The following LIG3 variants were observed in gnomAD, a reference collection of about 807,000 sequenced individuals.
LIG3 encodes ligase II, DNA, ATP-dependent.
In LIG3, 58 loss-of-function variants were observed where a neutral mutation model predicts 110.9. The observed-to-expected ratio is 0.52, with a 90% CI of 0.42 to 0.65. The LOEUF is 0.65. Among genes scored for constraint, LIG3 ranks in the 30% least tolerant of loss-of-function variants. The pLI, the probability that LIG3 is intolerant of heterozygous loss-of-function variation, is 0.00. For synonymous variants in LIG3, 422 were observed against 472.8 expected (o/e 0.89, Z 1.39); for missense variants, 1,094 against 1,273.8 (o/e 0.86, Z 2.15).
In LIG3 at chr17:35,004,635, CACTGTCTCTTCTGG is replaced by C; in HGVS notation, c.*132_*145del. ...GCTTCTCCCAAACCCACCAGTTCTCCACTGTCTCTTCTGGACCAGGAATTAGTTGCTGTGGGTGC... is the reference window on the plus strand; with the variant it reads ...GCTTCTCCCAAACCCACCAGTTCTCCACCAGGAATTAGTTGCTGTGGGTGC... On this transcript the variant is annotated 3_prime_UTR_variant, in exon 20 of 20. Coordinates refer to ENST00000378526, the MANE Select transcript of LIG3 (RefSeq NM_013975.4). The C allele has an allele frequency of 1.4e-6, 1 of 694,486 alleles. No homozygotes were observed. The highest frequency in any genetic ancestry group is 2.5e-6 in the Non-Finnish European group (1 of 406,130). 43.0% of individuals were successfully genotyped at this position (694,486 alleles called of 1,614,324 possible).
intron 18 of LIG3, 81 bp downstream of exon 18, chr17:35,002,185 T>G: frequency 8.2e-7 from 1 of 1,213,114 alleles, no homozygotes; most frequent in Non-Finnish European, 1.1e-6. Flanking sequence ...CAGTCTCACA[T>G]TCCAGCCCTG....
rs981203531 is a variant in LIG3 at position 35,001,475 on chromosome 17, C to T, written c.2478+72C>T. 62 of 1,437,232 alleles carry T rather than the reference C, an allele frequency of 4.3e-5. No homozygotes were observed. The African/African-American group carries it at 7.2e-4, about 17-fold the overall frequency. The allele number at this position is 1,437,232 out of a possible 1,614,324, so 89.0% of individuals were successfully genotyped here. A position where few individuals can be genotyped will look rare whatever the true frequency, so the allele number is the denominator to read the frequency against. ...GCCTTGGAGCCTTGGGCATCTAGAC[C>T]ATTCACATGTCCTCTGTCTTCTCCT... On this transcript the variant is annotated intron_variant, in intron 17 of 19. Transcript: ENST00000378526.
At chr17:34,983,580 C>G (rs1250682984) in intron 2 of LIG3, 28 bp downstream of exon 2, 1 of 1,581,058 alleles carries the variant, frequency 6.3e-7, no homozygotes, top group Non-Finnish European at 8.6e-7. Flanking sequence ...GCTTTCTCAT[C>G]TTACTGGTGC....
chr17:34,999,758 A>G, intron 15 of LIG3, 24 bp from the exon 16 acceptor site: 1 of 1,607,362 alleles, frequency 6.2e-7, no homozygotes, highest in East Asian at 2.2e-5. Flanking sequence ...GGAACAGCCC[A>G]AAGTAGCATC....
In LIG3 at chr17:34,998,386, C is replaced by G. The variant is rs2090802876; in HGVS notation, c.1989+90C>G. 3 of 1,253,524 alleles carry G rather than the reference C, an allele frequency of 2.4e-6. No individual in the cohort carries two copies. In the African/African-American group the frequency reaches 4.5e-5, roughly 19 times the overall value. The allele number at this position is 1,253,524 out of a possible 1,614,324, so 77.7% of individuals were successfully genotyped here. ...AGCCCTGACCAGGAGATGGCGGTGGCAGCCTGCAGTGGTTGGGGTGGCTGC... is the reference window on the plus strand; with the variant it reads ...AGCCCTGACCAGGAGATGGCGGTGGGAGCCTGCAGTGGTTGGGGTGGCTGC... On this transcript the variant is annotated intron_variant, in intron 13 of 19. Transcript: ENST00000378526.
At chr17:34,981,903 C>T (rs1035505449) in intron 1 of LIG3, among the ~76,000 whole-genome samples, 1 of 152,104 alleles carries the variant, frequency 6.6e-6, no homozygotes, top group South Asian at 2.1e-4. Context: ...GTCTTGCTGC[C>T]CAGTGACTTC....
rs1213350045 is a variant in LIG3 at position 35,005,272 on chromosome 17, G to A, written c.*766G>A. 1.9e-6 allele frequency: 1 copy of A among 526,502 alleles called. No individual in the cohort carries two copies. The highest frequency in any genetic ancestry group is 2.0e-5 in the Admixed American group (1 of 50,668). The allele number at this position is 526,502 out of a possible 1,614,324, so 32.6% of individuals were successfully genotyped here. ...AATAAAAATCCACATGGGGCTTGAGGCCAAGAACAGCCCTTGTTGCCACCA... is the reference window on the plus strand; with the variant it reads ...AATAAAAATCCACATGGGGCTTGAGACCAAGAACAGCCCTTGTTGCCACCA... On this transcript the variant is annotated 3_prime_UTR_variant, in exon 20 of 20. Transcript: ENST00000378526.
chr17:35,000,470 C>T (rs1488057579), intron 16 of LIG3, among the ~76,000 whole-genome samples: 4 of 152,160 alleles, frequency 2.6e-5, no homozygotes, highest in Non-Finnish European at 5.9e-5. Context: ...GTTGGTCAGG[C>T]TGGTCTTGAA....
At position 34,999,947 on chromosome 17, in the gene LIG3, A is replaced by T. The variant is rs1254872452; in HGVS notation, c.2331+91A>T. The stretch of plus-strand genomic sequence containing the variant: ...AGAGAATCCATCTCACCTCGCTGAA[A>T]GTCCACCCAGGGATAGGGGTCTGGA... On this transcript the variant is annotated intron_variant, in intron 16 of 19. Coordinates refer to ENST00000378526, the MANE Select transcript of LIG3 (RefSeq NM_013975.4). 8.8e-6 allele frequency: 9 copies of T among 1,025,372 alleles called. No individual in the cohort carries two copies. The East Asian group carries it at 2.0e-4, about 23-fold the overall frequency. The allele number at this position is 1,025,372 out of a possible 1,614,324, so 63.5% of individuals were successfully genotyped here. A position where few individuals can be genotyped will look rare whatever the true frequency, so the allele number is the denominator to read the frequency against.
At chr17:34,983,981 A>C (rs919858297) in intron 2 of LIG3, among the ~76,000 whole-genome samples, 1 of 152,222 alleles carries the variant, frequency 6.6e-6, no homozygotes, top group African/African-American at 2.4e-5. Context: ...GCGTGCACTC[A>C]CTTTAAACCA....
intron 19 of LIG3, 127 bp from the exon 20 acceptor site, chr17:35,004,146 T>C (rs368740556): frequency 1.5e-6 from 1 of 668,834 alleles, no homozygotes; most frequent in East Asian, 2.7e-5. Flanking sequence ...ATGCATGGTA[T>C]TCCAGTAAAC....
intron 3 of LIG3, 48 bp from the exon 4 acceptor site, chr17:34,989,418 T>C: frequency 6.5e-7 from 1 of 1,534,198 alleles, no homozygotes; most frequent in Non-Finnish European, 9.0e-7. Flanking sequence ...TCCCTTTCTT[T>C]CTTCTCAGAA....
At chr17:35,004,009 A>AC (rs2090872488) in intron 19 of LIG3, 5 of 465,088 alleles carry the variant, frequency 1.1e-5, no homozygotes, top group Non-Finnish European at 2.0e-5. Flanking sequence ...GCTCTTATAC[A>AC]CATGTACTCT....
intron 2 of LIG3, among the ~76,000 whole-genome samples, chr17:34,983,958 C>T (rs2090630868): frequency 6.6e-6 from 1 of 152,222 alleles, no homozygotes; most frequent in Non-Finnish European, 1.5e-5. Context: ...TCTCTACATA[C>T]ATACACACGT....
chr17:35,005,869 G>C lies in LIG3; in HGVS notation c.*1363G>C. 2.8e-6 allele frequency: 1 copy of C among 354,766 alleles called. No homozygotes were observed. The highest frequency in any genetic ancestry group is 2.3e-5 in the South Asian group (1 of 42,828). 22.0% of individuals were successfully genotyped at this position (354,766 alleles called of 1,614,324 possible). ...AGCAGCAGTAAAAGAAATACCTAGC[G>C]AAAAAAACAGGAAGCATATTGAAGC... On this transcript the variant is annotated 3_prime_UTR_variant, in exon 20 of 20. Coordinates refer to ENST00000378526, the MANE Select transcript of LIG3 (RefSeq NM_013975.4).
rs924256198 is a variant in LIG3, at chr17:34,986,088, A to G, written c.648A>G (p.Ser216=). 2 of 1,614,172 alleles carry G rather than the reference A, an allele frequency of 1.2e-6. No homozygotes were observed. Among genetic ancestry groups the G allele is most frequent in the Non-Finnish European group, 1.7e-6 (2 of 1,180,034 alleles). Residue 216 remains serine (S), a synonymous_variant, in exon 3 of 20, where the codon TCA becomes TCG. Transcript: ENST00000378526. ...TGACTTCTCCAGTGAAAGGCGCCTC[A>G]TTTGTCACCAGTACCAATCCCCGGA... ...GQVTSPVKGA[S]FVTSTNPRKF... is the part of the protein sequence containing the mutation.
chr17:34,992,975 T>C (rs887976601), intron 8 of LIG3, among the ~76,000 whole-genome samples: 2 of 152,162 alleles, frequency 1.3e-5, no homozygotes, highest in African/African-American at 4.8e-5. Flanking sequence ...CAGTCTCCTG[T>C]GTGGATGACG....
chr17:34,992,571 G>A lies in LIG3; in HGVS notation c.1334G>A (p.Arg445His), dbSNP rs567712080. Residue 445 changes from arginine (R) to histidine (H), a missense_variant, in exon 8 of 20, where the codon CGC (arginine) becomes CAC (histidine). Transcript: ENST00000378526. ...PNAYEAFKAS[R>H]NLQDVVERVL... The stretch of plus-strand genomic sequence containing the variant: ...GCCTATGAAGCCTTCAAAGCCTCGC[G>A]CAACCTGCAGGATGTGGTGGAGCGG... The A allele has an allele frequency of 9.7e-5, 157 of 1,613,062 alleles. No homozygotes were observed. In the South Asian group the frequency reaches 1.4e-3, roughly 14 times the overall value.
Position 34,980,528 on chromosome 17 carries a change from T to TTAAAG in LIG3, c.-98_-94dup. ...CTGCCTCCCGCTCTAGGACCCGGAT[T>TTAAAG]TAAAGAGACAGGCGCTCCAACCGTC... On this transcript the variant is annotated 5_prime_UTR_variant, in exon 1 of 20. Coordinates refer to ENST00000378526, the MANE Select transcript of LIG3 (RefSeq NM_013975.4). The TTAAAG allele has an allele frequency of 7.8e-7, 1 of 1,283,928 alleles. No homozygotes were observed. The highest frequency in any genetic ancestry group is 1.0e-6 in the Non-Finnish European group (1 of 985,200). The allele number at this position is 1,283,928 out of a possible 1,614,324, so 79.5% of individuals were successfully genotyped here.
Sources: gnomAD v4.1 joint callset for allele counts (sites outside exome capture counted in the v4.1 genomes callset) on GRCh38, gnomAD v4.1.1 for gene constraint, MANE v1.5 for transcripts, NCBI Gene and HGNC (gene_info 2026-07-23, HGNC 2026-07-21) for gene names.